The following ASTN1 variants were observed in gnomAD, a reference collection of about 807,000 sequenced individuals.
ASTN1 encodes the protein astrotactin 1.
Under a neutral mutation model 140.7 loss-of-function variants are expected in ASTN1, and 41 were observed. The observed-to-expected ratio is 0.29, with a 90% CI of 0.23 to 0.38. The LOEUF (loss-of-function observed/expected upper bound fraction) is 0.38. ASTN1 is among the 10% of genes least tolerant of loss of function. The probability of loss-of-function intolerance (pLI) is 1.00; values close to 1 mark genes in which losing one functional copy is unlikely to be tolerated. For missense variants in ASTN1, 1,479 were observed against 1,678.8 expected (o/e 0.88, Z 2.08); for synonymous variants, 640 against 652.2 (o/e 0.98, Z 0.29).
chr1:177,150,920 A>G (rs1440569998), intron 1 of ASTN1, among the ~76,000 whole-genome samples: 1 of 152,106 alleles, frequency 6.6e-6, no homozygotes, highest in Non-Finnish European at 1.5e-5. Flanking sequence ...TACAACAGAG[A>G]CCATATGGTC....
chr1:176,985,845 TACACA>T (rs1353363175), intron 8 of ASTN1, among the ~76,000 whole-genome samples: 253 of 129,736 alleles, frequency 2.0e-3, no homozygotes, highest in Middle Eastern at 7.8e-3. Flanking sequence ...TCTCTCTCTC[TACACA>T]CACACACACA....
chr1:177,085,388 C>G (rs987980440), intron 1 of ASTN1, among the ~76,000 whole-genome samples: 1 of 152,096 alleles, frequency 6.6e-6, no homozygotes, highest in Admixed American at 6.6e-5. Flanking sequence ...TTATTTTAAA[C>G]CTGACAAGGA....
At chr1:176,917,699 C>T (rs1467040791) in intron 16 of ASTN1, among the ~76,000 whole-genome samples, 1 of 152,178 alleles carries the variant, frequency 6.6e-6, no homozygotes, top group East Asian at 1.9e-4. Context: ...TGCAAGGACA[C>T]AGGGTCTGTG....
chr1:177,035,066 T>C (rs568734023), intron 2 of ASTN1, among the ~76,000 whole-genome samples: 48 of 152,196 alleles, frequency 3.2e-4, no homozygotes, highest in Non-Finnish European at 6.0e-4. Context: ...AGATTAGCTG[T>C]CCATTATCAT....
At chr1:176,958,694 T>C (rs773154981) in intron 9 of ASTN1, among the ~76,000 whole-genome samples, 1 of 152,352 alleles carries the variant, frequency 6.6e-6, no homozygotes, top group Non-Finnish European at 1.5e-5. Context: ...CTGATTATGG[T>C]GCCTACTCAG....
intron 16 of ASTN1, among the ~76,000 whole-genome samples, chr1:176,927,074 G>A (rs1192325150): frequency 6.6e-6 from 1 of 152,166 alleles, no homozygotes; most frequent in Admixed American, 6.5e-5. Flanking sequence ...CCATGTAGGT[G>A]GTTTACTCCT....
At chr1:177,109,303 A>G (rs1680700918) in intron 1 of ASTN1, among the ~76,000 whole-genome samples, 1 of 152,318 alleles carries the variant, frequency 6.6e-6, no homozygotes, top group South Asian at 2.1e-4. Flanking sequence ...GACTATAAAT[A>G]CCTACTAAGA....
intron 1 of ASTN1, among the ~76,000 whole-genome samples, chr1:177,143,413 AACC>A (rs1186352458): frequency 6.6e-6 from 1 of 152,228 alleles, no homozygotes; most frequent in Admixed American, 6.5e-5. Flanking sequence ...TTCTGGGCTG[AACC>A]ATCGTGGATG....
chr1:176,987,782 A>T (rs1390929534), intron 8 of ASTN1, among the ~76,000 whole-genome samples: 1 of 152,164 alleles, frequency 6.6e-6, no homozygotes, highest in African/African-American at 2.4e-5. Context: ...AGTTAGGAAG[A>T]TGTTATCAAA....
chr1:177,073,900 T>C (rs748044352), intron 1 of ASTN1, among the ~76,000 whole-genome samples: 58 of 151,956 alleles, frequency 3.8e-4, no homozygotes, highest in Non-Finnish European at 8.1e-4. Context: ...TTACCATTAT[T>C]AGTAATATTA....
chr1:176,875,773 C>T (rs570326086), intron 21 of ASTN1, among the ~76,000 whole-genome samples: 5 of 152,296 alleles, frequency 3.3e-5, no homozygotes, highest in South Asian at 2.1e-4. Context: ...AAATGCTATC[C>T]GTTCAATACT....
intron 1 of ASTN1, among the ~76,000 whole-genome samples, chr1:177,062,252 T>A (rs1678135431): frequency 6.6e-6 from 1 of 151,982 alleles, no homozygotes; most frequent in Admixed American, 6.6e-5. Context: ...TTTTTTTTCT[T>A]TTTTTTAAGC....
intron 2 of ASTN1, among the ~76,000 whole-genome samples, chr1:177,039,817 G>C (rs577371318): frequency 1.3e-5 from 2 of 152,224 alleles, no homozygotes; most frequent in South Asian, 4.1e-4. Flanking sequence ...GTAAATTAAG[G>C]GTAGATAAAA....
At chr1:177,094,874 C>T (rs962582667) in intron 1 of ASTN1, among the ~76,000 whole-genome samples, 4 of 152,136 alleles carry the variant, frequency 2.6e-5, no homozygotes, top group Non-Finnish European at 5.9e-5. Flanking sequence ...AAGCCTTCAT[C>T]TTCTTAGAGA....
intron 16 of ASTN1, among the ~76,000 whole-genome samples, chr1:176,903,030 T>C (rs1160827615): frequency 6.6e-6 from 1 of 152,214 alleles, no homozygotes; most frequent in African/African-American, 2.4e-5. Context: ...TCTCACCCAG[T>C]GCTTTACACT....
At chr1:177,118,643 A>G (rs1681216250) in intron 1 of ASTN1, among the ~76,000 whole-genome samples, 1 of 152,170 alleles carries the variant, frequency 6.6e-6, no homozygotes, top group African/African-American at 2.4e-5. Context: ...TCCCCAAACA[A>G]AAGTCTTTCC....
At chr1:177,067,404 A>G (rs1678417852) in intron 1 of ASTN1, among the ~76,000 whole-genome samples, 1 of 152,148 alleles carries the variant, frequency 6.6e-6, no homozygotes, top group Non-Finnish European at 1.5e-5. Flanking sequence ...AGAATAACAA[A>G]TGGGTCTTGT....
intron 16 of ASTN1, among the ~76,000 whole-genome samples, chr1:176,914,973 T>C (rs1204432002): frequency 2.6e-5 from 4 of 152,198 alleles, no homozygotes; most frequent in African/African-American, 7.2e-5. Flanking sequence ...TCCTTTAGTA[T>C]CATTACTCAA....
Position 177,063,100 on chromosome 1 carries a change from G to T in ASTN1, c.284-1835C>A, listed in dbSNP as rs188634889. Among the ~76,000 whole-genome samples the T allele has an allele frequency of 1.9e-3, 290 of 152,248 alleles. 2 individuals carry two copies. Among genetic ancestry groups the T allele is most frequent in the African/African-American group, 6.6e-3 (276 of 41,544 alleles). The stretch of plus-strand genomic sequence containing the variant: ...GGAAGTATGTTCAGGCTTTGATAGG[G>T]GAATAAGGATGAGGAAAAGGAAGAA... On this transcript the variant is annotated intron_variant, in intron 1 of 22. Coordinates refer to ENST00000361833, the MANE Select transcript of ASTN1 (RefSeq NM_004319.3).
Sources: allele counts gnomAD v4.1 joint callset (sites outside exome capture counted in the v4.1 genomes callset), GRCh38; gene constraint gnomAD v4.1.1; transcripts MANE v1.5; gene names NCBI Gene and HGNC (gene_info 2026-07-23, HGNC 2026-07-21).